Variants in PRKCH observed in about 807,000 individuals in gnomAD.
PRKCH encodes the protein protein kinase C eta.
A neutral mutation model predicts 82.5 loss-of-function variants in PRKCH; 28 were observed. The observed-to-expected ratio is 0.34, with a 90% confidence interval of 0.25 to 0.47. PRKCH has a LOEUF of 0.47. PRKCH is among the 20% of genes least tolerant of loss of function. The pLI is 1.00. For synonymous variants in PRKCH, 322 were observed against 327.4 expected (o/e 0.98, Z 0.18); for missense variants, 705 against 881.8 (o/e 0.80, Z 2.54).
At chr14:61,518,833 G>T (rs1418221330) in intron 10 of PRKCH, among the ~76,000 whole-genome samples, 1 of 152,076 alleles carries the variant, frequency 6.6e-6, no homozygotes, top group East Asian at 1.9e-4. Context: ...TGTTTTTTGA[G>T]ACAGGATCTT....
intron 1 of PRKCH, among the ~76,000 whole-genome samples, chr14:61,381,115 A>C (rs752532482): frequency 2.0e-5 from 3 of 152,176 alleles, no homozygotes; most frequent in Non-Finnish European, 4.4e-5. Context: ...TTAGAATATC[A>C]GATAGAAAAG....
At chr14:61,321,109 C>T (rs1566818312), upstream of PRKCH, among the ~76,000 whole-genome samples, 1 of 152,200 alleles carries the variant, frequency 6.6e-6, no homozygotes. This position sits in a 1 kb window ranked among gnomAD's most constrained non-coding sequence, Gnocchi z 4.1. Flanking sequence ...AGGATGCGTT[C>T]GAGCTGACCC....
At chr14:61,234,411 A>G (rs556796314) in intron 1 of PRKCH, among the ~76,000 whole-genome samples, 1 of 152,260 alleles carries the variant, frequency 6.6e-6, no homozygotes, top group South Asian at 2.1e-4. Flanking sequence ...TTGCATAGTC[A>G]TCCCGGCATC....
intron 9 of PRKCH, among the ~76,000 whole-genome samples, chr14:61,463,934 G>A (rs994531488): frequency 1.2e-4 from 19 of 152,198 alleles, no homozygotes; most frequent in African/African-American, 4.3e-4. Flanking sequence ...ATTCTATTGT[G>A]TATATATTCC....
In PRKCH at chr14:61,450,790, A is replaced by T. The variant is rs200436297; in HGVS notation, c.703-52A>T. ...TGGGCTCCTATTACAGTTTTTACAA[A>T]GGACATTGGTATGACATTTTAGCTC... On this transcript the variant is annotated intron_variant, in intron 5 of 13. Coordinates refer to ENST00000332981, the MANE Select transcript of PRKCH (RefSeq NM_006255.5). 488 of 1,582,048 alleles carry T rather than the reference A, an allele frequency of 3.1e-4. 4 individuals are homozygous for T. Among genetic ancestry groups the T allele is most frequent in the Admixed American group, 2.7e-4 (15 of 55,448 alleles).
At chr14:61,274,238 G>A (rs1282596019) in intron 1 of PRKCH, among the ~76,000 whole-genome samples, 5 of 152,218 alleles carry the variant, frequency 3.3e-5, no homozygotes, top group African/African-American at 4.8e-5. Flanking sequence ...GCAAAGACAC[G>A]GAGGTTAGGG....
chr14:61,345,810 A>G (rs946900051), intron 1 of PRKCH, among the ~76,000 whole-genome samples: 1 of 151,542 alleles, frequency 6.6e-6, no homozygotes, highest in Non-Finnish European at 1.5e-5. Flanking sequence ...AGGCCAAGGC[A>G]GGAGGATTGC....
intron 1 of PRKCH, among the ~76,000 whole-genome samples, chr14:61,311,442 C>G (rs1310884705): frequency 6.6e-6 from 1 of 152,218 alleles, no homozygotes; most frequent in Admixed American, 6.5e-5. Context: ...CTTCATTGTC[C>G]ATATCACTAC....
In PRKCH at chr14:61,452,609, T is replaced by C. The variant is rs151036422; in HGVS notation, c.833-617T>C. Among the ~76,000 whole-genome samples, 331 of 152,238 alleles carry C rather than the reference T, an allele frequency of 2.2e-3. 2 individuals are homozygous for C. The highest frequency in any genetic ancestry group is 7.8e-3 in the African/African-American group (324 of 41,494). ...TCTGACCTTCAGAAAGTTTTAAAAGTTGCCTTTCCCCACTATGAAGCAGTT... is the reference window on the plus strand; with the variant it reads ...TCTGACCTTCAGAAAGTTTTAAAAGCTGCCTTTCCCCACTATGAAGCAGTT... On this transcript the variant is annotated intron_variant, in intron 6 of 13. Transcript: ENST00000332981.
intron 1 of PRKCH, chr14:61,303,442 C>T (rs1217606816): frequency 6.6e-6 from 1 of 152,166 alleles, no homozygotes; most frequent in Non-Finnish European, 1.5e-5. Context: ...AGGAATGTCA[C>T]TCTTCAACTT....
intron 1 of PRKCH, among the ~76,000 whole-genome samples, chr14:61,300,675 C>A (rs913400704): frequency 1.3e-5 from 2 of 152,104 alleles, no homozygotes; most frequent in Non-Finnish European, 2.9e-5. Flanking sequence ...AAGTAGCCCC[C>A]AAATCCTTCC....
rs368061990 is a variant in PRKCH at position 61,240,425 on chromosome 14, C to T, written c.-19+52757C>T. Among the ~76,000 whole-genome samples, 22 of 152,188 alleles carry T rather than the reference C, an allele frequency of 1.4e-4. 1 individual carries two copies. The highest frequency in any genetic ancestry group is 5.8e-4 in the East Asian group (3 of 5,156). On this transcript the variant is annotated intron_variant, in intron 1 of 3. Coordinates refer to the PRKCH transcript ENST00000555185. ...CACCCTAGCTTTTAATACGCAAATG[C>T]GAGTTGCCATGAAGTCCTGCACATG...
chr14:61,193,051 A>G lies in PRKCH; in HGVS notation c.-19+5383A>G, dbSNP rs116756244. On this transcript the variant is annotated intron_variant, in intron 1 of 3. Transcript: ENST00000555185. Reference sequence around the variant, plus strand: ...TAAGAGGGAGTATTTAGAGGGAATAATTAAAGGCAAGGGAAGCCATCCTAG... The same window carrying G: ...TAAGAGGGAGTATTTAGAGGGAATAGTTAAAGGCAAGGGAAGCCATCCTAG... 5.3e-3 allele frequency among the ~76,000 whole-genome samples: 804 copies of G among 152,280 alleles called. 9 individuals are homozygous for G. The highest frequency in any genetic ancestry group is 0.018 in the African/African-American group (728 of 41,576).
rs149675693 is a variant in PRKCH at position 61,405,523 on chromosome 14, G to A, written c.427+14235G>A. 2.5e-3 allele frequency among the ~76,000 whole-genome samples: 373 copies of A among 152,198 alleles called. 1 individual carries two copies. The highest frequency in any genetic ancestry group is 8.2e-3 in the African/African-American group (339 of 41,514). ...CTCCTGAGTAGCTGGGATTACAGGC[G>A]CGCAGCACCACGCCCAGCTAATTTT... On this transcript the variant is annotated intron_variant, in intron 2 of 13. Coordinates refer to ENST00000332981, the MANE Select transcript of PRKCH (RefSeq NM_006255.5).
chr14:61,339,895 G>A (rs2045910389), intron 1 of PRKCH, among the ~76,000 whole-genome samples: 2 of 151,714 alleles, frequency 1.3e-5, no homozygotes, highest in African/African-American at 4.8e-5. Context: ...AGGTTGCCCA[G>A]GCTGGTCTCC....
intron 10 of PRKCH, among the ~76,000 whole-genome samples, chr14:61,528,552 A>C (rs976895845): frequency 6.6e-6 from 1 of 152,118 alleles, no homozygotes; most frequent in East Asian, 1.9e-4. Context: ...GCATAAACAC[A>C]ATCCCCGCCG....
intron 1 of PRKCH, among the ~76,000 whole-genome samples, chr14:61,240,169 C>A (rs1044079333): frequency 6.6e-6 from 1 of 151,906 alleles, no homozygotes; most frequent in Non-Finnish European, 1.5e-5. Context: ...CACGGACACA[C>A]GTGGAGTGAT....
At chr14:61,266,081 GA>G (rs1269186583) in intron 1 of PRKCH, among the ~76,000 whole-genome samples, 1 of 151,262 alleles carries the variant, frequency 6.6e-6, no homozygotes, top group African/African-American at 2.4e-5. Flanking sequence ...GATTCTTTAA[GA>G]GGGAGAAAGA....
chr14:61,335,417 G>A (rs2045843945), intron 1 of PRKCH, among the ~76,000 whole-genome samples: 1 of 152,138 alleles, frequency 6.6e-6, no homozygotes, highest in African/African-American at 2.4e-5. Flanking sequence ...CAATAATTTA[G>A]ATGGACAGGA....
Sources: allele counts gnomAD v4.1 joint callset (sites outside exome capture counted in the v4.1 genomes callset), GRCh38; gene constraint gnomAD v4.1.1; non-coding constraint Gnocchi (gnomAD v3.1); transcripts MANE v1.5; gene names NCBI Gene and HGNC (gene_info 2026-07-23, HGNC 2026-07-21).